VPS50: variants seen among roughly 807,000 people sequenced by gnomAD.
The protein encoded by VPS50 is syndetin.
Under a neutral mutation model 139.7 loss-of-function variants are expected in VPS50, and 70 were observed. The ratio of observed to expected loss-of-function variants is 0.50; its 90% CI spans 0.41 to 0.61. The LOEUF is 0.61. Among genes scored for constraint, VPS50 ranks in the 20% least tolerant of loss-of-function variants. The pLI is 0.00. For synonymous variants in VPS50, 365 were observed against 376.7 expected, an observed-to-expected ratio of 0.97 and a Z score of 0.36; for missense variants, 921 against 1,133.7, an observed-to-expected ratio of 0.81 and a Z score of 2.69.
chr7:93,300,635 A>G (rs1004237735), intron 16 of VPS50, among the ~76,000 whole-genome samples: 1 of 152,096 alleles, frequency 6.6e-6, no homozygotes, highest in East Asian at 1.9e-4. Flanking sequence ...TAATTTTGAT[A>G]AAAATTCTAC....
chr7:93,269,252 AT>A (rs1267421990), intron 9 of VPS50, among the ~76,000 whole-genome samples: 1 of 151,950 alleles, frequency 6.6e-6, no homozygotes, highest in African/African-American at 2.4e-5. Flanking sequence ...TCCATTCATT[AT>A]TTTTTTGGCA....
rs1049436608 is a variant in VPS50 at position 93,333,816 on chromosome 7, T to C, written c.1978-301T>C. ...GAGTGTAATATGTTTATCTAAAATC[T>C]CAAGTTTTGCAACTAAAAATAATGA... On this transcript the variant is annotated intron_variant, in intron 21 of 27. Transcript: ENST00000305866. 1.5e-5 allele frequency: 5 copies of C among 332,958 alleles called. No homozygotes were observed. In the Admixed American group the frequency reaches 2.0e-4, roughly 13 times the overall value. 20.6% of individuals were successfully genotyped at this position (332,958 alleles called of 1,614,324 possible). A position where few individuals can be genotyped will look rare whatever the true frequency, so the allele number is the denominator to read the frequency against.
At chr7:93,251,417 A>G (rs1239071539) in intron 2 of VPS50, among the ~76,000 whole-genome samples, 2 of 152,012 alleles carry the variant, frequency 1.3e-5, no homozygotes, top group East Asian at 3.9e-4. Context: ...CAGCAAACTA[A>G]CACAAGAATA....
intron 2 of VPS50, 70 bp from the exon 3 acceptor site, chr7:93,252,583 T>C: frequency 9.8e-7 from 1 of 1,024,028 alleles, no homozygotes; most frequent in South Asian, 1.4e-5. Flanking sequence ...AGACAAATGA[T>C]CATTTATTTC....
At chr7:93,240,249 A>ACACACT (rs1412054767) in intron 2 of VPS50, among the ~76,000 whole-genome samples, 7 of 109,314 alleles carry the variant, frequency 6.4e-5, no homozygotes, top group African/African-American at 2.4e-4. Context: ...ACACACACAC[A>ACACACT]CTCTCTCTCT....
At position 93,305,946 on chromosome 7, in the gene VPS50, T is replaced by C; in HGVS notation, c.1571T>C (p.Phe524Ser). ...CAGTACTGTAGTGGTGGGAATCCATTTGAAATTCAGGCCAACCACAAAGAT... is the reference window on the plus strand; with the variant it reads ...CAGTACTGTAGTGGTGGGAATCCATCTGAAATTCAGGCCAACCACAAAGAT... ...FEQYCSGGNP[F>S]EIQANHKDEE... Residue 524 changes from phenylalanine to serine, a missense_variant, in exon 18 of 28, where the codon TTT becomes TCT. Physicochemically the swap from Phe to Ser is radical, Grantham distance 155. Transcript: ENST00000305866. The C allele has an allele frequency of 1.2e-6, 2 of 1,612,580 alleles. No homozygotes were observed. Among genetic ancestry groups the C allele is most frequent in the South Asian group, 2.2e-5 (2 of 91,038 alleles).
chr7:93,353,528 A>T, intron 25 of VPS50, 112 bp from the exon 26 acceptor site: 2 of 1,181,464 alleles, frequency 1.7e-6, no homozygotes, highest in Admixed American at 2.3e-5. Flanking sequence ...TTTTGATTTT[A>T]CTTGGTTTGA....
intron 21 of VPS50, among the ~76,000 whole-genome samples, chr7:93,329,314 C>T (rs535825318): frequency 2.0e-5 from 3 of 151,694 alleles, no homozygotes; most frequent in South Asian, 4.2e-4. Context: ...CAAAAAACAA[C>T]AAAAAATTTA....
chr7:93,238,482 C>G (rs1029599578), intron 1 of VPS50, among the ~76,000 whole-genome samples: 1 of 152,090 alleles, frequency 6.6e-6, no homozygotes, highest in Non-Finnish European at 1.5e-5. Flanking sequence ...GCTGCAGAGG[C>G]AAATAGGACT....
intron 20 of VPS50, among the ~76,000 whole-genome samples, chr7:93,319,188 A>G (rs1218497856): frequency 2.6e-5 from 4 of 152,224 alleles, no homozygotes; most frequent in Non-Finnish European, 5.9e-5. Flanking sequence ...AATCAGATAT[A>G]GTCACAGAAA....
chr7:93,342,780 T>C (rs188195002), intron 23 of VPS50, among the ~76,000 whole-genome samples: 3,713 of 152,230 alleles, frequency 0.024, 72 homozygotes, highest in East Asian at 0.09. Context: ...TCTTGTCTGT[T>C]AGAAGGAAAA....
chr7:93,252,037 T>C (rs1325852228), intron 2 of VPS50, among the ~76,000 whole-genome samples: 2 of 152,216 alleles, frequency 1.3e-5, no homozygotes. Flanking sequence ...TTCTGTATCA[T>C]TAGAAAGAAA....
At chr7:93,307,200 T>C (rs556253106) in intron 18 of VPS50, among the ~76,000 whole-genome samples, 118 of 151,998 alleles carry the variant, frequency 7.8e-4, no homozygotes, top group Non-Finnish European at 1.4e-3. Flanking sequence ...GGTTACGACA[T>C]GTTTATCAGC....
chr7:93,323,622 C>T lies in VPS50; in HGVS notation c.1867C>T (p.Gln623Ter). The change falls in exon 21 of 28, where the codon CAG (glutamine) becomes TAG (stop). Residue 623 changes from glutamine to a stop codon, truncating the protein, a stop_gained. Coordinates refer to ENST00000305866, the MANE Select transcript of VPS50 (RefSeq NM_017667.4). LOFTEE classifies it high-confidence loss of function. The stretch of plus-strand genomic sequence containing the variant: ...TTTTTTCTTTTCAGGAAAATATATG[C>T]AGATGATGAACATTCTTAAGCCAAT... ...NVIRLVGKYM[Q>*]MMNILKPIAF... 1.6e-6 allele frequency: 2 copies of T among 1,277,162 alleles called. No individual in the cohort carries two copies. Among genetic ancestry groups the T allele is most frequent in the Non-Finnish European group, 2.1e-6 (2 of 957,808 alleles). 79.1% of individuals were successfully genotyped at this position (1,277,162 alleles called of 1,614,324 possible).
chr7:93,245,354 G>A (rs934179070), intron 2 of VPS50, among the ~76,000 whole-genome samples: 1 of 151,814 alleles, frequency 6.6e-6, no homozygotes, highest in Non-Finnish European at 1.5e-5. Context: ...TTGGAAGGTG[G>A]AAGAACCTGT....
At chr7:93,308,766 A>C in intron 18 of VPS50, 58 bp from the exon 19 acceptor site, 1 of 824,630 alleles carries the variant, frequency 1.2e-6, no homozygotes, top group Admixed American at 1.9e-5. Context: ...CTGTGTTGAG[A>C]CACCCCACGA....
intron 12 of VPS50, among the ~76,000 whole-genome samples, chr7:93,285,457 C>T (rs1031345125): frequency 6.6e-6 from 1 of 152,146 alleles, no homozygotes; most frequent in African/African-American, 2.4e-5. Context: ...AAGCAAAAGA[C>T]TAGCAGCTTT....
chr7:93,355,812 G>T, intron 26 of VPS50, 79 bp from the exon 27 acceptor site: 1 of 766,244 alleles, frequency 1.3e-6, no homozygotes, highest in South Asian at 2.4e-5. Context: ...ATATAGGTTA[G>T]AGAAAACTTC....
rs1797685651 is a variant in VPS50 at position 93,323,702 on chromosome 7, A to C, written c.1947A>C (p.Ala649=). ...MSQLFDYYLY[A]IYTFFGRNDS... ...AACTATTTGATTATTACTTGTATGC[A>C]ATATATACCTTTTTTGGTCGGAATG... Residue 649 remains alanine (A), a synonymous_variant, in exon 21 of 28, where the codon GCA becomes GCC. Coordinates refer to ENST00000305866, the MANE Select transcript of VPS50 (RefSeq NM_017667.4). The C allele has an allele frequency of 7.0e-7, 1 of 1,423,740 alleles. No homozygotes were observed. The allele number at this position is 1,423,740 out of a possible 1,614,324, so 88.2% of individuals were successfully genotyped here. A position where few individuals can be genotyped will look rare whatever the true frequency, so the allele number is the denominator to read the frequency against.
Sources: gnomAD v4.1 joint callset for allele counts (sites outside exome capture counted in the v4.1 genomes callset) on GRCh38, gnomAD v4.1.1 for gene constraint, MANE v1.5 for transcripts, NCBI Gene and HGNC (gene_info 2026-07-23, HGNC 2026-07-21) for gene names.